DPYSL5: variants seen among roughly 807,000 people sequenced by gnomAD.
DPYSL5 encodes dihydropyrimidinase-related protein 5.
A neutral mutation model predicts 58.4 loss-of-function variants in DPYSL5; 9 were observed. That is an observed-to-expected ratio of 0.15 (90% CI 0.09 to 0.27). The LOEUF (loss-of-function observed/expected upper bound fraction) is 0.27. Among genes scored for constraint, DPYSL5 ranks in the 10% least tolerant of loss-of-function variants. The pLI is 1.00. For missense variants in DPYSL5, 499 were observed against 770.6 expected, an observed-to-expected ratio of 0.65 and a Z score of 4.17; for synonymous variants, 293 against 301.9, an observed-to-expected ratio of 0.97 and a Z score of 0.31.
rs753125245 is a variant in DPYSL5, at chr2:26,898,786, G to T, written c.261+26G>T. On this transcript the variant is annotated intron_variant, in intron 2 of 12. Transcript: ENST00000288699. The surrounding 1 kb of genome is among the most constrained non-coding windows in gnomAD (Gnocchi z 6.1). ...GTAATGCTCCTGTTTGCCAAAGGTGGCTTCCTCTTTGGCTTTTTTATTCTG... is the reference window on the plus strand; with the variant it reads ...GTAATGCTCCTGTTTGCCAAAGGTGTCTTCCTCTTTGGCTTTTTTATTCTG... The T allele has an allele frequency of 2.5e-6, 4 of 1,581,808 alleles. No homozygotes were observed. Among genetic ancestry groups the T allele is most frequent in the Non-Finnish European group, 3.4e-6 (4 of 1,161,418 alleles).
intron 1 of DPYSL5, among the ~76,000 whole-genome samples, chr2:26,861,101 C>A (rs1352898260): frequency 6.6e-6 from 1 of 152,114 alleles, no homozygotes; most frequent in Non-Finnish European, 1.5e-5. Flanking sequence ...CCAAACGGAC[C>A]CCCAGATGCA....
chr2:26,936,509 C>T (rs1189286349), intron 8 of DPYSL5, among the ~76,000 whole-genome samples: 3 of 152,176 alleles, frequency 2.0e-5, no homozygotes, highest in Non-Finnish European at 4.4e-5. Flanking sequence ...CGCACCACGG[C>T]ATGGGGATGG....
intron 1 of DPYSL5, among the ~76,000 whole-genome samples, chr2:26,864,302 G>A (rs1006408015): frequency 6.6e-6 from 1 of 152,170 alleles, no homozygotes; most frequent in African/African-American, 2.4e-5. Flanking sequence ...AGTGCTCCAG[G>A]AAGAAAGAAG....
intron 2 of DPYSL5, among the ~76,000 whole-genome samples, chr2:26,912,365 TA>T (rs1312795470): frequency 6.6e-6 from 1 of 152,202 alleles, no homozygotes; most frequent in African/African-American, 2.4e-5. Context: ...GCTTTGGGAC[TA>T]AAATGAGGGT....
At chr2:26,897,366 T>C (rs963258069) in intron 1 of DPYSL5, among the ~76,000 whole-genome samples, 2 of 152,220 alleles carry the variant, frequency 1.3e-5, no homozygotes. Context: ...GTTTTTATCA[T>C]GAATGGGTGT....
In DPYSL5 at chr2:26,877,483, C is replaced by T. The variant is rs184808673; in HGVS notation, c.-4-21013C>T. On this transcript the variant is annotated intron_variant, in intron 1 of 12. Transcript: ENST00000288699. The surrounding 1 kb of genome is among the most constrained non-coding windows in gnomAD (Gnocchi z 4.1). ...CCTACTACATGTGCTCCACCCCACA[C>T]CTGCTGAGTACATGCTGGGAAGATC... Among the ~76,000 whole-genome samples, 171 of 152,246 alleles carry T rather than the reference C, an allele frequency of 1.1e-3. No homozygotes were observed. The Middle Eastern group carries it at 0.017, about 15-fold the overall frequency.
At chr2:26,852,593 G>A (rs1665783341) in intron 1 of DPYSL5, among the ~76,000 whole-genome samples, 1 of 152,174 alleles carries the variant, frequency 6.6e-6, no homozygotes, top group East Asian at 1.9e-4. Context: ...TTGTTCCCTC[G>A]CCTCCCTCCT....
At chr2:26,907,560 T>G (rs1290957840) in intron 2 of DPYSL5, among the ~76,000 whole-genome samples, 1 of 152,142 alleles carries the variant, frequency 6.6e-6, no homozygotes, top group Non-Finnish European at 1.5e-5. Flanking sequence ...GGGCAACCCC[T>G]GATCTGACCT....
At chr2:26,908,528 T>G (rs1017539938) in intron 2 of DPYSL5, among the ~76,000 whole-genome samples, 3 of 152,232 alleles carry the variant, frequency 2.0e-5, no homozygotes, top group African/African-American at 7.2e-5. Flanking sequence ...TTCTTAGAAC[T>G]GATGTGAATG....
chr2:26,904,628 C>A (rs550925667), intron 2 of DPYSL5, among the ~76,000 whole-genome samples: 6 of 152,308 alleles, frequency 3.9e-5, no homozygotes, highest in Middle Eastern at 3.4e-3. Context: ...ACGTGCCAGG[C>A]GCTGTGGCTC....
At chr2:26,917,888 C>A (rs1664607165) in intron 2 of DPYSL5, among the ~76,000 whole-genome samples, 1 of 152,104 alleles carries the variant, frequency 6.6e-6, no homozygotes, top group African/African-American at 2.4e-5. Flanking sequence ...GTAATCCCAG[C>A]ACTTTGAAAG....
rs532108197 is a variant in DPYSL5, at chr2:26,887,954, T to G, written c.-4-10542T>G. Among the ~76,000 whole-genome samples the G allele has an allele frequency of 5.8e-4, 88 of 152,296 alleles. 1 individual carries two copies. The highest frequency in any genetic ancestry group is 3.4e-3 in the Middle Eastern group (1 of 294). ...ATCTAGGATTCGGGATATCCAAAGA[T>G]AGCCACCATCTTGCTGTGGAAGGCA... On this transcript the variant is annotated intron_variant, in intron 1 of 12. Coordinates refer to ENST00000288699, the MANE Select transcript of DPYSL5 (RefSeq NM_020134.4).
chr2:26,946,974 C>A lies in DPYSL5; in HGVS notation c.1674C>A (p.Gly558=), dbSNP rs11126784. The A allele has an allele frequency of 0.6, 974,357 of 1,611,910 alleles. 298,409 individuals carry two copies. The highest frequency in any genetic ancestry group is 0.69 in the East Asian group (31,109 of 44,810). Residue 558 remains glycine, a synonymous_variant, in exon 13 of 13, where the codon GGC becomes GGA. Transcript: ENST00000288699. ...ASARILAPPG[G]RSSGIW is the part of the protein sequence containing the mutation. The stretch of plus-strand genomic sequence containing the variant: ...CTCGGATCCTCGCTCCTCCCGGAGG[C>A]AGGTCGAGTGGCATTTGGTAAAGGC...
chr2:26,881,138 G>T (rs1243926661), intron 1 of DPYSL5, among the ~76,000 whole-genome samples: 1 of 152,102 alleles, frequency 6.6e-6, no homozygotes, highest in Admixed American at 6.6e-5. Context: ...CACAGCCAAG[G>T]TCACTGCCCT....
intron 12 of DPYSL5, among the ~76,000 whole-genome samples, chr2:26,945,609 T>A (rs1312822170): frequency 1.3e-5 from 2 of 149,458 alleles, no homozygotes; most frequent in African/African-American, 2.5e-5. Flanking sequence ...GGCCTCCAGG[T>A]GGCTTAGGTG....
intron 1 of DPYSL5, among the ~76,000 whole-genome samples, chr2:26,893,317 T>C (rs1663935290): frequency 6.6e-6 from 1 of 152,218 alleles, no homozygotes; most frequent in South Asian, 2.1e-4. Flanking sequence ...GAACAGGCTA[T>C]GATCTCCAAA....
At chr2:26,894,814 C>T (rs895576516) in intron 1 of DPYSL5, among the ~76,000 whole-genome samples, 2 of 152,196 alleles carry the variant, frequency 1.3e-5, no homozygotes, top group African/African-American at 4.8e-5. Context: ...TCATCAAAGT[C>T]TCACTGATTT....
rs144430871 is a variant in DPYSL5 at position 26,892,756 on chromosome 2, T to TGAGAGAGAGAGAGAGAGAGA, written c.-4-5721_-4-5702dup. On this transcript the variant is annotated intron_variant, in intron 1 of 12. Coordinates refer to ENST00000288699, the MANE Select transcript of DPYSL5 (RefSeq NM_020134.4). ...CTTTGCATAGAGCATTGGGTTTGTT[T>TGAGAGAGAGAGAGAGAGAGA]GAGAGAGAGAGAGAGAGAGAGAGAG... Among the ~76,000 whole-genome samples, 255 of 138,810 alleles carry TGAGAGAGAGAGAGAGAGAGA rather than the reference T, an allele frequency of 1.8e-3. 3 individuals carry two copies. Among genetic ancestry groups the TGAGAGAGAGAGAGAGAGAGA allele is most frequent in the Middle Eastern group, 3.6e-3 (1 of 276 alleles). 91.1% of individuals were successfully genotyped at this position (138,810 alleles called of 152,430 possible).
At chr2:26,897,423 G>A (rs760363210) in intron 1 of DPYSL5, among the ~76,000 whole-genome samples, 1 of 152,122 alleles carries the variant, frequency 6.6e-6, no homozygotes, top group Non-Finnish European at 1.5e-5. Flanking sequence ...ACGATTTTAT[G>A]ATTTTTCTTC....
Sources: gnomAD v4.1 joint callset for allele counts (sites outside exome capture counted in the v4.1 genomes callset) on GRCh38, gnomAD v4.1.1 for gene constraint, Gnocchi (gnomAD v3.1) non-coding constraint, MANE v1.5 for transcripts, NCBI Gene and HGNC (gene_info 2026-07-23, HGNC 2026-07-21) for gene names.